Variants in IFNG-AS1 observed in about 807,000 individuals in gnomAD.
IFNG-AS1 encodes the protein IFNG antisense RNA 1 (non-protein coding).
At chr12:67,996,441 G>C (rs527952390) in intron 2 of IFNG-AS1, among the ~76,000 whole-genome samples, 2 of 152,292 alleles carry the variant, frequency 1.3e-5, no homozygotes, top group South Asian at 4.1e-4. Flanking sequence ...AATCAGAGCT[G>C]AGATTTTGTT....
chr12:68,004,747 T>C (rs1224238154), intron 2 of IFNG-AS1, among the ~76,000 whole-genome samples: 4 of 152,238 alleles, frequency 2.6e-5, no homozygotes, highest in Non-Finnish European at 5.9e-5. Context: ...CTGTCACTAC[T>C]ATCTCACCTC....
At chr12:68,004,838 T>C (rs908901994) in intron 2 of IFNG-AS1, among the ~76,000 whole-genome samples, 6 of 152,172 alleles carry the variant, frequency 3.9e-5, no homozygotes, top group African/African-American at 1.4e-4. Context: ...TGGACTCTTC[T>C]CTGGACTTTT....
At chr12:68,006,386 A>C (rs1879906235) in intron 3 of IFNG-AS1, among the ~76,000 whole-genome samples, 1 of 152,246 alleles carries the variant, frequency 6.6e-6, no homozygotes, top group South Asian at 2.1e-4. Flanking sequence ...ACATTGAAAA[A>C]CAAATTCCAG....
chr12:68,008,897 G>A (rs1467032487), intron 3 of IFNG-AS1, among the ~76,000 whole-genome samples: 1 of 152,214 alleles, frequency 6.6e-6, no homozygotes, highest in African/African-American at 2.4e-5. Flanking sequence ...AATAAGAAGA[G>A]GCAGTAGATT....
At chr12:68,000,066 T>C (rs1450393372) in intron 2 of IFNG-AS1, among the ~76,000 whole-genome samples, 2 of 152,170 alleles carry the variant, frequency 1.3e-5, no homozygotes, top group African/African-American at 2.4e-5. Context: ...AATGTGATAA[T>C]TGGCAAATGT....
chr12:67,990,787 T>C (rs780805706), intron 1 of IFNG-AS1, among the ~76,000 whole-genome samples: 15 of 152,110 alleles, frequency 9.9e-5, no homozygotes, highest in Non-Finnish European at 1.9e-4. Flanking sequence ...AGAGATGGGG[T>C]TTCCCTATGT....
chr12:67,994,356 C>T (rs760367569), intron 1 of IFNG-AS1, among the ~76,000 whole-genome samples: 5 of 152,206 alleles, frequency 3.3e-5, no homozygotes, highest in Admixed American at 6.5e-5. Flanking sequence ...GTCAACGCAT[C>T]GTTACATCCA....
chr12:68,002,807 C>A (rs1879799848), intron 2 of IFNG-AS1, among the ~76,000 whole-genome samples: 1 of 152,130 alleles, frequency 6.6e-6, no homozygotes, highest in Non-Finnish European at 1.5e-5. Flanking sequence ...TCCAAAGGAG[C>A]CTTCCTGGGT....
chr12:67,993,854 G>T (rs1879573337), intron 1 of IFNG-AS1, among the ~76,000 whole-genome samples: 1 of 151,930 alleles, frequency 6.6e-6, no homozygotes, highest in African/African-American at 2.4e-5. Flanking sequence ...ACATAGGTTT[G>T]GGAAAATAAC....
rs182232023 is a variant in IFNG-AS1 at position 68,016,798 on chromosome 12, T to C, written n.242-3064T>C. Among the ~76,000 whole-genome samples, 905 of 152,274 alleles carry C rather than the reference T, an allele frequency of 5.9e-3. 8 individuals are homozygous for C. Among genetic ancestry groups the C allele is most frequent in the African/African-American group, 0.021 (857 of 41,556 alleles). On this transcript the variant is annotated intron_variant and non_coding_transcript_variant, in intron 3 of 5. Transcript: ENST00000536914. ...GACCTCCTTGCTAAATCCAATCGCT[T>C]CTTTTCTGTTCTCATGTAGTTTTCT...
intron 2 of IFNG-AS1, among the ~76,000 whole-genome samples, chr12:68,005,726 T>G (rs1057058074): frequency 3.9e-5 from 6 of 152,024 alleles, no homozygotes; most frequent in Admixed American, 6.6e-5. Context: ...AGGCAGATAC[T>G]AAGCAATATG....
At chr12:68,001,153 T>C (rs1311346847) in intron 2 of IFNG-AS1, among the ~76,000 whole-genome samples, 1 of 152,242 alleles carries the variant, frequency 6.6e-6, no homozygotes, top group Non-Finnish European at 1.5e-5. Context: ...TGTGTGTATA[T>C]ATACATTTTC....
At chr12:68,000,996 T>C (rs1214875777) in intron 2 of IFNG-AS1, among the ~76,000 whole-genome samples, 1 of 152,202 alleles carries the variant, frequency 6.6e-6, no homozygotes, top group Admixed American at 6.5e-5. Context: ...ATCCTTACTC[T>C]ATAAAGGATA....
At chr12:68,003,342 G>C (rs1451683138) in intron 2 of IFNG-AS1, among the ~76,000 whole-genome samples, 1 of 151,522 alleles carries the variant, frequency 6.6e-6, no homozygotes, top group Non-Finnish European at 1.5e-5. Flanking sequence ...CACAAATGGA[G>C]TTGAGTGAGT....
At chr12:68,007,914 C>T (rs1009133442) in intron 3 of IFNG-AS1, among the ~76,000 whole-genome samples, 2 of 152,152 alleles carry the variant, frequency 1.3e-5, no homozygotes, top group Non-Finnish European at 2.9e-5. Context: ...CAAATGGAAT[C>T]TTAAATAAAT....
intron 1 of IFNG-AS1, among the ~76,000 whole-genome samples, chr12:67,990,817 C>T (rs1879492172): frequency 6.6e-6 from 1 of 152,134 alleles, no homozygotes; most frequent in Non-Finnish European, 1.5e-5. Flanking sequence ...TGGTCTCAAA[C>T]TCCTGACCTC....
chr12:68,003,011 G>C (rs1383640659), intron 2 of IFNG-AS1, among the ~76,000 whole-genome samples: 1 of 152,014 alleles, frequency 6.6e-6, no homozygotes, highest in African/African-American at 2.4e-5. Context: ...GTGTTATTTA[G>C]TATGTTGCTT....
At position 68,013,728 on chromosome 12, in the gene IFNG-AS1, T is replaced by A. The variant is rs144742626; in HGVS notation, n.242-6134T>A. 217 of 152,330 alleles carry A rather than the reference T, an allele frequency of 1.4e-3. 1 individual carries two copies. Among genetic ancestry groups the A allele is most frequent in the African/African-American group, 4.7e-3 (195 of 41,572 alleles). 9.4% of individuals were successfully genotyped at this position (152,330 alleles called of 1,614,324 possible). ...TCATAGGTAGGCCTCATTCAATCGGTTGATGCCTTGATCAGAACCAAAGGT... is the reference window on the plus strand; with the variant it reads ...TCATAGGTAGGCCTCATTCAATCGGATGATGCCTTGATCAGAACCAAAGGT... On this transcript the variant is annotated intron_variant and non_coding_transcript_variant, in intron 3 of 5. Transcript: ENST00000536914.
At chr12:67,996,338 C>A (rs542153135) in intron 2 of IFNG-AS1, among the ~76,000 whole-genome samples, 12 of 152,296 alleles carry the variant, frequency 7.9e-5, no homozygotes, top group African/African-American at 2.9e-4. Flanking sequence ...AAATGTGAAT[C>A]CATTGAAAGA....
Sources: allele counts gnomAD v4.1 joint callset (sites outside exome capture counted in the v4.1 genomes callset), GRCh38; gene constraint gnomAD v4.1.1; transcripts MANE v1.5; gene names NCBI Gene and HGNC (gene_info 2026-07-23, HGNC 2026-07-21).